The following RGS6 variants were observed in gnomAD, a reference collection of about 807,000 sequenced individuals.
The protein encoded by RGS6 is regulator of G protein signaling 6, also known as regulator of G-protein signaling 6.
A neutral mutation model predicts 78.5 loss-of-function variants in RGS6; 30 were observed. The ratio of observed to expected loss-of-function variants is 0.38; its 90% CI spans 0.29 to 0.52. RGS6 has a LOEUF of 0.52. Ranked by LOEUF, RGS6 falls within the 20% of genes least tolerant of loss-of-function variation. The pLI is 0.85. For synonymous variants in RGS6, 206 were observed against 206.0 expected (o/e 1.00, Z 0.00); for missense variants, 495 against 609.7 (o/e 0.81, Z 1.98).
At chr14:72,377,329 T>A (rs925273780) in intron 3 of RGS6, among the ~76,000 whole-genome samples, 11 of 152,146 alleles carry the variant, frequency 7.2e-5, no homozygotes, top group African/African-American at 2.7e-4. Context: ...ACGAAGAGAT[T>A]AATTCAGCAA....
intron 2 of RGS6, among the ~76,000 whole-genome samples, chr14:72,260,344 A>T (rs995510191): frequency 2.0e-5 from 3 of 152,234 alleles, no homozygotes; most frequent in Non-Finnish European, 4.4e-5. Flanking sequence ...GGCTTTCCCA[A>T]TTATCAGAAG....
chr14:72,421,080 G>T (rs1158235002), intron 3 of RGS6: 2 of 97,206 alleles, frequency 2.1e-5, no homozygotes, highest in Non-Finnish European at 3.8e-5. Flanking sequence ...AAAGATGGAC[G>T]CAGCTAGATT....
At chr14:72,069,244 A>AT (rs1020173581) in intron 2 of RGS6, among the ~76,000 whole-genome samples, 12 of 152,142 alleles carry the variant, frequency 7.9e-5, no homozygotes, top group African/African-American at 2.9e-4. Flanking sequence ...AAGTGCTAGG[A>AT]TTACAGGCGT....
chr14:71,971,917 T>G (rs1467947515), intron 2 of RGS6, among the ~76,000 whole-genome samples: 2 of 147,964 alleles, frequency 1.4e-5, no homozygotes, highest in Non-Finnish European at 1.5e-5. Context: ...TTTTTTTTTT[T>G]TTTTTTTTTT....
At chr14:72,415,531 GCTGCACCCACTGTC>G (rs1157551551) in intron 3 of RGS6, among the ~76,000 whole-genome samples, 7 of 152,346 alleles carry the variant, frequency 4.6e-5, no homozygotes, top group African/African-American at 4.8e-5. Context: ...CGCACGGTGC[GCTGCACCCACTGTC>G]CTGCACCCAC....
chr14:72,195,920 GA>G (rs1157491506), intron 2 of RGS6, among the ~76,000 whole-genome samples: 1 of 152,206 alleles, frequency 6.6e-6, no homozygotes, highest in African/African-American at 2.4e-5. Context: ...ACAAGATTTT[GA>G]ACTTAAATTT....
intron 2 of RGS6, among the ~76,000 whole-genome samples, chr14:72,200,296 C>G (rs1267792810): frequency 6.6e-6 from 1 of 152,220 alleles, no homozygotes; most frequent in African/African-American, 2.4e-5. Context: ...GAATGAGCCA[C>G]TTGTGTTTCC....
At chr14:72,612,823 T>C in the RGS6 span, among the ~76,000 whole-genome samples, 1 of 152,188 alleles carries the variant, frequency 6.6e-6, no homozygotes, top group Non-Finnish European at 1.5e-5. Flanking sequence ...AGCCAGTAGC[T>C]TTCCAAGCAC....
intron 2 of RGS6, among the ~76,000 whole-genome samples, chr14:72,190,927 C>T (rs2097316012): frequency 6.6e-6 from 1 of 152,178 alleles, no homozygotes; most frequent in Admixed American, 6.5e-5. Context: ...TTTGTCAAAC[C>T]ACTACTGGGT....
At chr14:72,628,970 A>AT in the RGS6 span, among the ~76,000 whole-genome samples, 1 of 152,236 alleles carries the variant, frequency 6.6e-6, no homozygotes, top group Admixed American at 6.5e-5. Context: ...CTTCAAAGAC[A>AT]TATCAACTAA....
chr14:72,096,988 C>T (rs918130564), intron 2 of RGS6, among the ~76,000 whole-genome samples: 1 of 152,178 alleles, frequency 6.6e-6, no homozygotes, highest in Non-Finnish European at 1.5e-5. Context: ...TGCTGCAGCA[C>T]GTCTGTAGTA....
chr14:72,126,295 A>G (rs971680164), intron 2 of RGS6, among the ~76,000 whole-genome samples: 1 of 152,214 alleles, frequency 6.6e-6, no homozygotes, highest in Non-Finnish European at 1.5e-5. Flanking sequence ...GCTAGCAGGG[A>G]CCTCTGCTGT....
chr14:72,099,410 C>T (rs1239394518), intron 2 of RGS6, among the ~76,000 whole-genome samples: 3 of 152,084 alleles, frequency 2.0e-5, no homozygotes, highest in East Asian at 1.9e-4. Context: ...CTGCCTGCCT[C>T]GGCCTCCCAA....
At chr14:72,252,307 C>T (rs749509097) in intron 2 of RGS6, among the ~76,000 whole-genome samples, 7 of 152,148 alleles carry the variant, frequency 4.6e-5, no homozygotes, top group Non-Finnish European at 8.8e-5. Context: ...TTCTTTTTAT[C>T]AGTTAGTTTA....
chr14:72,203,655 A>C (rs1821518005), intron 2 of RGS6, among the ~76,000 whole-genome samples: 1 of 152,204 alleles, frequency 6.6e-6, no homozygotes, highest in African/African-American at 2.4e-5. Flanking sequence ...TGCTCACAAC[A>C]TGGTGGCTGG....
At chr14:72,053,049 C>CT (rs1246651007) in intron 2 of RGS6, among the ~76,000 whole-genome samples, 8,495 of 15,386 alleles carry the variant, frequency 0.55, 2,298 homozygotes, top group Non-Finnish European at 0.58. Flanking sequence ...CCCTCCCTCC[C>CT]TCCCTCCCTC....
rs1050533795 is a variant in RGS6, at chr14:72,426,025, TTAAAA to T, written c.185-28498_185-28494del. Among the ~76,000 whole-genome samples the T allele has an allele frequency of 9.2e-5, 14 of 152,182 alleles. 1 individual carries two copies. The highest frequency in any genetic ancestry group is 2.9e-4 in the African/African-American group (12 of 41,462). On this transcript the variant is annotated intron_variant, in intron 3 of 17. Transcript: ENST00000553525. Reference sequence around the variant, plus strand: ...TTAGCTATATTTTCTAAAGTTTTTGTTAAAATAAACTCTTTTAACAAAAAAATTCT... The same window carrying T: ...TTAGCTATATTTTCTAAAGTTTTTGTTAAACTCTTTTAACAAAAAAATTCT...
chr14:72,560,639 A>AT (rs2097659685), intron 17 of RGS6, among the ~76,000 whole-genome samples: 1 of 152,196 alleles, frequency 6.6e-6, no homozygotes, highest in African/African-American at 2.4e-5. Context: ...AGGAGTAGTC[A>AT]TTCTTAGTGA....
At chr14:72,033,614 G>A (rs1035440601) in intron 2 of RGS6, among the ~76,000 whole-genome samples, 2 of 152,138 alleles carry the variant, frequency 1.3e-5, no homozygotes, top group African/African-American at 2.4e-5. Flanking sequence ...AATCATAAGC[G>A]AGTATGTTAC....
Sources: allele counts gnomAD v4.1 joint callset (sites outside exome capture counted in the v4.1 genomes callset), GRCh38; gene constraint gnomAD v4.1.1; transcripts MANE v1.5; gene names NCBI Gene and HGNC (gene_info 2026-07-23, HGNC 2026-07-21).